P3H1: variants seen among roughly 807,000 people sequenced by gnomAD.
P3H1 encodes the protein prolyl 3-hydroxylase 1.
Under a neutral mutation model 84.0 loss-of-function variants are expected in P3H1, and 69 were observed. The observed-to-expected ratio is 0.82, with a 90% CI of 0.68 to 1.00. The LOEUF (loss-of-function observed/expected upper bound fraction) is 1.00, where lower values mean the gene tolerates loss of function less well. Among genes scored for constraint, P3H1 ranks in the 50% least tolerant of loss-of-function variants. P3H1 has a pLI of 0.00. For synonymous variants in P3H1, 366 were observed against 388.8 expected, an observed-to-expected ratio of 0.94 and a Z score of 0.69; for missense variants, 878 against 962.8, an observed-to-expected ratio of 0.91 and a Z score of 1.17.
chr1:42,750,397 C>T, intron 10 of P3H1, 61 bp from the exon 11 acceptor site: 1 of 1,581,276 alleles, frequency 6.3e-7, no homozygotes, highest in Non-Finnish European at 8.7e-7. Context: ...CTCTGTGTCC[C>T]TACCCAAATC....
intron 10 of P3H1, 96 bp from the exon 11 acceptor site, chr1:42,750,432 C>G: frequency 7.0e-7 from 1 of 1,427,578 alleles, no homozygotes; most frequent in South Asian, 1.2e-5. Flanking sequence ...CCATAATTCC[C>G]ATGTGTTGTG....
Position 42,759,193 on chromosome 1 carries a change from G to A in P3H1, c.808+8C>T, listed in dbSNP as rs201322741. The A allele has an allele frequency of 1.3e-4, 202 of 1,614,100 alleles. No individual in the cohort carries two copies. The South Asian group carries it at 2.2e-3, about 18-fold the overall frequency. ...CTGGCTGAAGGTCTGGCTCTGAACT[G>A]CACGCACCTGTGATGGCCTGGAAGA... is the stretch of plus-strand genomic sequence containing the variant. On this transcript the variant is annotated splice_region_variant and intron_variant, in intron 3 of 14. Transcript: ENST00000296388.
chr1:42,747,825 T>C, intron 12 of P3H1, 27 bp from the exon 13 acceptor site: 2 of 1,607,998 alleles, frequency 1.2e-6, no homozygotes, highest in Non-Finnish European at 1.7e-6. Context: ...CATCTCATCA[T>C]GGCCCTTCCC....
At chr1:42,751,335 C>T (rs1484885088) in intron 10 of P3H1, among the ~76,000 whole-genome samples, 5 of 94,756 alleles carry the variant, frequency 5.3e-5, no homozygotes, top group East Asian at 5.3e-4. Flanking sequence ...AAGGGCGGTG[C>T]AAGATGTGCT....
rs113152388 is a variant in P3H1, at chr1:42,754,422, G to A, written c.1345+447C>T. On this transcript the variant is annotated intron_variant, in intron 8 of 14. Coordinates refer to ENST00000296388, the MANE Select transcript of P3H1 (RefSeq NM_022356.4). This position sits in a 1 kb window ranked among gnomAD's most constrained non-coding sequence, Gnocchi z 4.0. ...AGTAAAGGGACGAATGGTGAAAACC[G>A]GGAGAAAACAGTTTGGGAGTGGGGA... 5.9e-5 allele frequency among the ~76,000 whole-genome samples: 9 copies of A among 152,298 alleles called. No homozygotes were observed. Among genetic ancestry groups the A allele is most frequent in the African/African-American group, 2.2e-4 (9 of 41,558 alleles).
In P3H1 at chr1:42,754,868, C is replaced by A; in HGVS notation, c.1345+1G>T. ...ACATGCCCCTATTTCTGTCCTCTCA[C>A]CTTCCCGGGTCAGTCTGCTCACATC... On this transcript the variant is annotated splice_donor_variant, in intron 8 of 14. Coordinates refer to ENST00000296388, the MANE Select transcript of P3H1 (RefSeq NM_022356.4). LOFTEE classifies it high-confidence loss of function. This position sits in a 1 kb window ranked among gnomAD's most constrained non-coding sequence, Gnocchi z 4.0. 1 of 1,614,192 alleles carries A rather than the reference C, an allele frequency of 6.2e-7. No individual in the cohort carries two copies. The highest frequency in any genetic ancestry group is 8.5e-7 in the Non-Finnish European group (1 of 1,180,022).
intron 10 of P3H1, among the ~76,000 whole-genome samples, chr1:42,750,925 G>A (rs1270487512): frequency 3.2e-4 from 42 of 131,972 alleles, no homozygotes; most frequent in Non-Finnish European, 4.3e-4. Flanking sequence ...CTGGCCAGCC[G>A]CCCCGTCCGG....
At position 42,762,440 on chromosome 1, in the gene P3H1, G is replaced by A. The variant is rs761925577; in HGVS notation, c.501C>T (p.His167=). The A allele has an allele frequency of 3.9e-5, 63 of 1,614,144 alleles. 1 individual carries two copies. The Middle Eastern group carries it at 8.3e-4, about 21-fold the overall frequency. The change falls in exon 2 of 15, where the codon CAC becomes CAT. Residue 167 remains histidine (H), a synonymous_variant. Transcript: ENST00000296388. ...GCTCAGGATTGCCCACGAAGAAGGT[G>A]TGTGCTGCAGCAACAGCTTTCTCCA... is the stretch of plus-strand genomic sequence containing the variant. ...NKLEKAVAAA[H]TFFVGNPEHM...
chr1:42,762,039 TTACC>T, intron 2 of P3H1: 1 of 342,806 alleles, frequency 2.9e-6, no homozygotes, highest in Non-Finnish European at 5.4e-6. Context: ...TATTTTATAC[TTACC>T]TACATTTCTA....
Position 42,748,313 on chromosome 1 carries a change from G to A in P3H1, c.1725C>T (p.Val575=). The A allele has an allele frequency of 6.2e-7, 1 of 1,611,588 alleles. No homozygotes were observed. Among genetic ancestry groups the A allele is most frequent in the Non-Finnish European group, 8.5e-7 (1 of 1,178,002 alleles). Reference sequence around the variant, plus strand: ...GACTATCATCCTTCCTCTCTGCCTGGACCTCTGGGGCCAATGTCACACATG... The same window carrying A: ...GACTATCATCCTTCCTCTCTGCCTGAACCTCTGGGGCCAATGTCACACATG... ...HLVCRTAIEE[V]QAERKDDSHP... The change falls in exon 12 of 15, where the codon GTC becomes GTT. Residue 575 remains valine (V), a synonymous_variant. Transcript: ENST00000296388.
rs186045419 is a variant in P3H1 at position 42,754,126 on chromosome 1, G to A, written c.1345+743C>T. ...GAACATTCGGTTAAGGGGCAGGCAC[G>A]GAGGATGGGTCAGAGGCCAGTGTCT... On this transcript the variant is annotated intron_variant, in intron 8 of 14. Coordinates refer to ENST00000296388, the MANE Select transcript of P3H1 (RefSeq NM_022356.4). The surrounding 1 kb of genome is among the most constrained non-coding windows in gnomAD (Gnocchi z 4.0). 4.2e-4 allele frequency among the ~76,000 whole-genome samples: 64 copies of A among 152,326 alleles called. 1 individual carries two copies. Among genetic ancestry groups the A allele is most frequent in the African/African-American group, 1.3e-3 (56 of 41,570 alleles).
intron 2 of P3H1, 128 bp from the exon 3 acceptor site, chr1:42,759,518 G>C: frequency 1.4e-6 from 1 of 738,038 alleles, no homozygotes; most frequent in Non-Finnish European, 2.4e-6. Context: ...GGTGACCTGG[G>C]TACCACTATA....
intron 2 of P3H1, chr1:42,761,857 G>A (rs1652735839): frequency 9.5e-6 from 2 of 210,412 alleles, no homozygotes; most frequent in African/African-American, 4.8e-5. Context: ...TTGCACTGCA[G>A]CCTGGACAAC....
chr1:42,752,979 A>G (rs1652197479), intron 8 of P3H1, among the ~76,000 whole-genome samples: 1 of 152,214 alleles, frequency 6.6e-6, no homozygotes, highest in Non-Finnish European at 1.5e-5. Flanking sequence ...TTTGACTCCT[A>G]GATCCTCCAT....
chr1:42,766,153 C>A (rs1652984977), intron 1 of P3H1, among the ~76,000 whole-genome samples: 1 of 152,184 alleles, frequency 6.6e-6, no homozygotes, highest in Non-Finnish European at 1.5e-5. Flanking sequence ...ATATTGTAGA[C>A]CGCTACTAGC....
intron 1 of P3H1, among the ~76,000 whole-genome samples, chr1:42,765,454 T>C (rs991871771): frequency 3.9e-5 from 6 of 152,262 alleles, no homozygotes; most frequent in Non-Finnish European, 7.3e-5. Context: ...GAGCATTTAA[T>C]TACTTGTACA....
intron 11 of P3H1, among the ~76,000 whole-genome samples, chr1:42,748,930 C>T (rs952756194): frequency 2.0e-5 from 3 of 152,206 alleles, no homozygotes; most frequent in Non-Finnish European, 4.4e-5. Context: ...TGGGTGCCTC[C>T]TTCTCCATTC....
intron 6 of P3H1, 55 bp from the exon 7 acceptor site, chr1:42,755,272 G>T: frequency 6.6e-7 from 1 of 1,513,732 alleles, no homozygotes; most frequent in South Asian, 1.1e-5. Flanking sequence ...AATCTTCCAG[G>T]TGTCTCAATG....
Position 42,750,282 on chromosome 1 carries a change from T to C in P3H1, c.1624A>G (p.Thr542Ala). ...LQSAHLYYNV[T>A]EKVRRIMESY... ...TCCATGATGCGCCGCACCTTCTCCG[T>C]CACGTTGTAGTACAGGTGGGCACTC... Residue 542 changes from threonine (T) to alanine (A), a missense_variant, in exon 11 of 15, where the codon ACG becomes GCG. By Grantham distance (58) the Thr-to-Ala change is moderately conservative. Coordinates refer to ENST00000296388, the MANE Select transcript of P3H1 (RefSeq NM_022356.4). 1 of 1,614,070 alleles carries C rather than the reference T, an allele frequency of 6.2e-7. No individual in the cohort carries two copies. The highest frequency in any genetic ancestry group is 1.3e-5 in the African/African-American group (1 of 75,008).
Sources: allele counts gnomAD v4.1 joint callset (sites outside exome capture counted in the v4.1 genomes callset), GRCh38; gene constraint gnomAD v4.1.1; non-coding constraint Gnocchi (gnomAD v3.1); transcripts MANE v1.5; gene names NCBI Gene and HGNC (gene_info 2026-07-23, HGNC 2026-07-21).